ARHGEF4: variants seen among roughly 807,000 people sequenced by gnomAD.
ARHGEF4 encodes APC-stimulated guanine nucleotide exchange factor 1.
In ARHGEF4, 119 loss-of-function variants were observed where a neutral mutation model predicts 162.0. The observed-to-expected ratio is 0.73, with a 90% CI of 0.63 to 0.86. The LOEUF (loss-of-function observed/expected upper bound fraction) is 0.86, where lower values mean the gene tolerates loss of function less well. Ranked by LOEUF, ARHGEF4 falls within the 40% of genes least tolerant of loss-of-function variation. The pLI is 0.00. For synonymous variants in ARHGEF4, 1,014 were observed against 979.9 expected (o/e 1.03, Z -0.65); for missense variants, 2,488 against 2,456.0 (o/e 1.01, Z -0.28).
chr2:130,977,918 A>C (rs1307368785), intron 4 of ARHGEF4, among the ~76,000 whole-genome samples: 1 of 152,208 alleles, frequency 6.6e-6, no homozygotes, highest in East Asian at 1.9e-4. Context: ...CTCAGGCTCA[A>C]ATCCATCTCC....
rs182274343 is a variant in ARHGEF4, at chr2:131,017,544, G to A, written c.3986-10401G>A. ...ATGAACAATCATTTTGTGAACTGCT[G>A]AGACCCCAGCTGGGACTACTGAAAA... On this transcript the variant is annotated intron_variant, in intron 4 of 13. Coordinates refer to ENST00000409359, the MANE Select transcript of ARHGEF4 (RefSeq NM_001367493.1). Among the ~76,000 whole-genome samples the A allele has an allele frequency of 2.0e-4, 31 of 152,274 alleles. 1 individual carries two copies. The highest frequency in any genetic ancestry group is 1.4e-3 in the Admixed American group (21 of 15,304).
chr2:131,044,881 C>A (rs1415793992), intron 12 of ARHGEF4, among the ~76,000 whole-genome samples: 6 of 152,230 alleles, frequency 3.9e-5, no homozygotes, highest in Admixed American at 3.9e-4. Flanking sequence ...GTTGCTGGGA[C>A]CTGCGGGACC....
chr2:130,973,270 C>T (rs1229250574), intron 4 of ARHGEF4, among the ~76,000 whole-genome samples: 3 of 152,234 alleles, frequency 2.0e-5, no homozygotes, highest in African/African-American at 7.2e-5. Flanking sequence ...AGGCAGATCA[C>T]GTAAGGCCAG....
chr2:130,851,279 G>T (rs979541039), intron 1 of ARHGEF4, among the ~76,000 whole-genome samples: 1 of 152,256 alleles, frequency 6.6e-6, no homozygotes, highest in Non-Finnish European at 1.5e-5. Context: ...GGATGCATCT[G>T]TTGGTGGCGC....
At chr2:131,038,791 G>A (rs777438121) in intron 5 of ARHGEF4, 62 bp from the exon 6 acceptor site, 2 of 1,521,648 alleles carry the variant, frequency 1.3e-6, no homozygotes, top group Non-Finnish European at 1.8e-6. Context: ...AGTGGAGACA[G>A]AGAGCAGGGA....
At chr2:130,962,940 A>T (rs879334629) in intron 4 of ARHGEF4, among the ~76,000 whole-genome samples, 4 of 152,102 alleles carry the variant, frequency 2.6e-5, no homozygotes, top group African/African-American at 4.8e-5. Flanking sequence ...TTGCATTTGC[A>T]TTTCATATCC....
At chr2:131,039,794 A>G (rs2278115) in intron 6 of ARHGEF4, 152,326 of 1,399,264 alleles carry the variant, frequency 0.11, 11,787 homozygotes, top group African/African-American at 0.37. Context: ...CCAAATCGGT[A>G]TTCGGATCAC....
At chr2:130,954,235 G>A (rs889539921) in intron 4 of ARHGEF4, among the ~76,000 whole-genome samples, 2 of 152,206 alleles carry the variant, frequency 1.3e-5, no homozygotes, top group African/African-American at 4.8e-5. Context: ...AAAAAAGGAT[G>A]AGTTCCTGTC....
intron 3 of ARHGEF4, among the ~76,000 whole-genome samples, chr2:130,934,764 G>A (rs1298569942): frequency 1.3e-5 from 2 of 151,858 alleles, no homozygotes; most frequent in Admixed American, 6.6e-5. Flanking sequence ...GGCTGGTCTC[G>A]AACTCTTGAC....
At chr2:130,948,009 T>C in intron 4 of ARHGEF4, among the ~76,000 whole-genome samples, 1 of 152,182 alleles carries the variant, frequency 6.6e-6, no homozygotes, top group East Asian at 1.9e-4. Context: ...TGTCCAGGCT[T>C]GGGAGGAGCG....
Position 130,968,395 on chromosome 2 carries a change from C to G in ARHGEF4, c.3985+21760C>G, listed in dbSNP as rs377299404. Among the ~76,000 whole-genome samples the G allele has an allele frequency of 3.9e-5, 6 of 152,344 alleles. No homozygotes were observed. In the South Asian group the frequency reaches 1.2e-3, roughly 32 times the overall value. On this transcript the variant is annotated intron_variant, in intron 4 of 13. Coordinates refer to ENST00000409359, the MANE Select transcript of ARHGEF4 (RefSeq NM_001367493.1). ...AGGAGGCTCTCCCTGAGGCCTAAGA[C>G]CTGCAAGTTAGCCTTGGTAAGGAAC...
chr2:131,036,707 G>C (rs1425021587), intron 5 of ARHGEF4, among the ~76,000 whole-genome samples: 1 of 152,210 alleles, frequency 6.6e-6, no homozygotes, highest in Non-Finnish European at 1.5e-5. Flanking sequence ...CACCTCACCT[G>C]GTTAATATCA....
chr2:130,839,447 G>A (rs957971504), intron 1 of ARHGEF4, among the ~76,000 whole-genome samples: 1 of 152,202 alleles, frequency 6.6e-6, no homozygotes, highest in Non-Finnish European at 1.5e-5. Flanking sequence ...AGCCCAGGAG[G>A]AGGACCCCAA....
chr2:130,840,149 A>G (rs1680505642), intron 1 of ARHGEF4, among the ~76,000 whole-genome samples: 1 of 151,716 alleles, frequency 6.6e-6, no homozygotes, highest in Non-Finnish European at 1.5e-5. Context: ...ACATATGGGC[A>G]CACACACACA....
chr2:130,945,473 G>C (rs370234996), intron 3 of ARHGEF4, among the ~76,000 whole-genome samples: 1 of 152,050 alleles, frequency 6.6e-6, no homozygotes, highest in African/African-American at 2.4e-5. Context: ...GTTGCCTAGG[G>C]GAATAGGGTG....
chr2:130,932,958 T>C (rs1266567842), intron 3 of ARHGEF4, among the ~76,000 whole-genome samples: 2 of 152,182 alleles, frequency 1.3e-5, no homozygotes, highest in Admixed American at 6.5e-5. Context: ...GGCTCACATC[T>C]GTAATCCCAG....
Position 130,988,885 on chromosome 2 carries a change from TATATATATATATATATAGAGAGAG to T in ARHGEF4, c.3986-39058_3986-39035del, listed in dbSNP as rs1465644179. ...GTGTGTGTGTGTGTATATATATATATATATATATATATATATAGAGAGAGAGAGAGAGAGAGAGAGAGAGAGAGA... is the reference window on the plus strand; with the variant it reads ...GTGTGTGTGTGTGTATATATATATATAGAGAGAGAGAGAGAGAGAGAGAGA... On this transcript the variant is annotated intron_variant, in intron 4 of 13. Transcript: ENST00000409359. Among the ~76,000 whole-genome samples the T allele has an allele frequency of 1.6e-4, 16 of 97,884 alleles. No individual in the cohort carries two copies. In the East Asian group the frequency reaches 3.5e-3, roughly 21 times the overall value. The allele number at this position is 97,884 out of a possible 152,430, so 64.2% of individuals were successfully genotyped here. A position where few individuals can be genotyped will look rare whatever the true frequency, so the allele number is the denominator to read the frequency against.
intron 1 of ARHGEF4, among the ~76,000 whole-genome samples, chr2:130,867,472 G>A (rs904903276): frequency 3.9e-5 from 6 of 151,928 alleles, no homozygotes; most frequent in Admixed American, 1.3e-4. Flanking sequence ...TCCTGACCTC[G>A]TGATCTGCCC....
chr2:130,988,872 G>GTATATATA lies in ARHGEF4; in HGVS notation c.3986-39050_3986-39043dup, dbSNP rs58656982. On this transcript the variant is annotated intron_variant, in intron 4 of 13. Transcript: ENST00000409359. ...TTTGTGTGTGTGTGTGTGTGTGTGT[G>GTATATATA]TATATATATATATATATATATATAT... Among the ~76,000 whole-genome samples the GTATATATA allele has an allele frequency of 7.7e-4, 84 of 108,472 alleles. 1 individual carries two copies. The highest frequency in any genetic ancestry group is 1.1e-3 in the Non-Finnish European group (64 of 56,458). 71.2% of individuals were successfully genotyped at this position (108,472 alleles called of 152,430 possible). A position where few individuals can be genotyped will look rare whatever the true frequency, so the allele number is the denominator to read the frequency against.
Sources: allele counts gnomAD v4.1 joint callset (sites outside exome capture counted in the v4.1 genomes callset), GRCh38; gene constraint gnomAD v4.1.1; transcripts MANE v1.5; gene names NCBI Gene and HGNC (gene_info 2026-07-23, HGNC 2026-07-21).